LRRK1: variants seen among roughly 807,000 people sequenced by gnomAD.
The protein encoded by LRRK1 is leucine-rich repeat serine/threonine-protein kinase 1.
In LRRK1, 113 loss-of-function variants were observed where a neutral mutation model predicts 209.1. The observed-to-expected ratio is 0.54, with a 90% confidence interval of 0.46 to 0.63. LRRK1 has a LOEUF of 0.63. Among genes scored for constraint, LRRK1 ranks in the 30% least tolerant of loss-of-function variants. The pLI, the probability that LRRK1 is intolerant of heterozygous loss-of-function variation, is 0.00. For synonymous variants in LRRK1, 1,144 were observed against 1,099.7 expected (o/e 1.04, Z -0.80); for missense variants, 2,284 against 2,632.2 (o/e 0.87, Z 2.89).
At chr15:101,004,183 G>C (rs1158861424) in intron 6 of LRRK1, among the ~76,000 whole-genome samples, 3 of 152,142 alleles carry the variant, frequency 2.0e-5, no homozygotes, top group African/African-American at 7.2e-5. Flanking sequence ...CAGTAGGAAG[G>C]CAAAGGGCAT....
intron 4 of LRRK1, among the ~76,000 whole-genome samples, chr15:100,984,935 G>A (rs1450479370): frequency 6.6e-6 from 1 of 152,014 alleles, no homozygotes; most frequent in Non-Finnish European, 1.5e-5. Flanking sequence ...AGTCACCCAG[G>A]GCCCTGCACC....
intron 2 of LRRK1, among the ~76,000 whole-genome samples, chr15:100,941,896 C>T (rs1054771928): frequency 1.3e-5 from 2 of 152,146 alleles, no homozygotes; most frequent in African/African-American, 2.4e-5. Flanking sequence ...CTATGGCTCC[C>T]CACTCCTCCC....
At chr15:101,020,325 A>G (rs2033718107) in intron 12 of LRRK1, among the ~76,000 whole-genome samples, 1 of 142,464 alleles carries the variant, frequency 7.0e-6, no homozygotes, top group African/African-American at 2.6e-5. Flanking sequence ...GTGTGCACAC[A>G]TTTTCTGCTA....
intron 12 of LRRK1, among the ~76,000 whole-genome samples, chr15:101,017,412 C>T (rs893748015): frequency 6.6e-6 from 1 of 152,122 alleles, no homozygotes. Flanking sequence ...CAAAAATAGA[C>T]CTCAGTAAAC....
chr15:101,018,727 T>G (rs928822005), intron 12 of LRRK1, among the ~76,000 whole-genome samples: 1 of 152,194 alleles, frequency 6.6e-6, no homozygotes, highest in Non-Finnish European at 1.5e-5. Context: ...GCCGCGCCCC[T>G]GGGAGGTTCT....
chr15:100,972,342 G>GAA, intron 2 of LRRK1, among the ~76,000 whole-genome samples: 1 of 91,842 alleles, frequency 1.1e-5, no homozygotes, highest in South Asian at 3.6e-4. Flanking sequence ...ATATGAGAGA[G>GAA]AGAGAGAGAG....
intron 2 of LRRK1, among the ~76,000 whole-genome samples, chr15:100,938,421 T>G (rs1228947540): frequency 2.6e-5 from 4 of 152,288 alleles, no homozygotes; most frequent in South Asian, 2.1e-4. Flanking sequence ...ACATTTTTCA[T>G]TTCTTGGTGT....
chr15:100,944,511 A>G (rs1056623507), intron 2 of LRRK1, among the ~76,000 whole-genome samples: 3 of 152,206 alleles, frequency 2.0e-5, no homozygotes, highest in Admixed American at 6.5e-5. Flanking sequence ...TTCGGAGGCT[A>G]CACTGTAATC....
intron 2 of LRRK1, among the ~76,000 whole-genome samples, chr15:100,964,484 G>A (rs2036595703): frequency 6.6e-6 from 1 of 152,190 alleles, no homozygotes; most frequent in African/African-American, 2.4e-5. Flanking sequence ...CCGTTTCCCT[G>A]GTGCTTTGGC....
Position 101,027,919 on chromosome 15 carries a change from C to T in LRRK1, c.2686+122C>T. On this transcript the variant is annotated intron_variant, in intron 19 of 33. Coordinates refer to ENST00000388948, the MANE Select transcript of LRRK1 (RefSeq NM_024652.6). This position sits in a 1 kb window ranked among gnomAD's most constrained non-coding sequence, Gnocchi z 5.1. Reference sequence around the variant, plus strand: ...GACACCCAGCCTGCGTTTCTGCCTTCCATCCCCCTCCCCTTCCTTCTTCCC... The same window carrying T: ...GACACCCAGCCTGCGTTTCTGCCTTTCATCCCCCTCCCCTTCCTTCTTCCC... The T allele has an allele frequency of 2.4e-6, 2 of 838,494 alleles. No homozygotes were observed. The highest frequency in any genetic ancestry group is 3.7e-6 in the Non-Finnish European group (2 of 546,814). 51.9% of individuals were successfully genotyped at this position (838,494 alleles called of 1,614,324 possible). A position where few individuals can be genotyped will look rare whatever the true frequency, so the allele number is the denominator to read the frequency against.
chr15:100,994,072 A>T (rs1225548741), intron 6 of LRRK1, among the ~76,000 whole-genome samples: 1 of 152,180 alleles, frequency 6.6e-6, no homozygotes, highest in African/African-American at 2.4e-5. Flanking sequence ...TAACCCTTAC[A>T]TCTATGTAGT....
Position 101,065,504 on chromosome 15 carries a change from C to T in LRRK1, c.5067C>T (p.Asn1689=). 2 of 1,614,214 alleles carry T rather than the reference C, an allele frequency of 1.2e-6. No homozygotes were observed. Among genetic ancestry groups the T allele is most frequent in the Admixed American group, 3.3e-5 (2 of 60,034 alleles). ...TCGCGGATGAAGACGCACGGCAGAA[C>T]CCCTACCCAGTGAAGGCCATGGAGG... The part of the protein sequence containing the change: ...FSIADEDARQ[N]PYPVKAMEVV... Residue 1689 remains asparagine, a synonymous_variant, in exon 32 of 34, where the codon AAC becomes AAT. Transcript: ENST00000388948.
intron 20 of LRRK1, among the ~76,000 whole-genome samples, chr15:101,043,084 A>G (rs2034854782): frequency 6.6e-6 from 1 of 151,982 alleles, no homozygotes; most frequent in Non-Finnish European, 1.5e-5. Flanking sequence ...TGTATCCAGG[A>G]TCCAAATCCA....
chr15:101,053,173 G>C, intron 25 of LRRK1, 50 bp from the exon 26 acceptor site: 1 of 1,592,766 alleles, frequency 6.3e-7, no homozygotes, highest in Non-Finnish European at 8.5e-7. Flanking sequence ...GAGGCCTGAG[G>C]CTGCAGGCAC....
rs8041347 is a variant in LRRK1 at position 100,984,565 on chromosome 15, A to T, written c.433+866A>T. 8.2e-3 allele frequency among the ~76,000 whole-genome samples: 1,181 copies of T among 143,786 alleles called. 16 individuals are homozygous for T. Among genetic ancestry groups the T allele is most frequent in the African/African-American group, 0.029 (1,134 of 38,776 alleles). The allele number at this position is 143,786 out of a possible 152,430, so 94.3% of individuals were successfully genotyped here. On this transcript the variant is annotated intron_variant, in intron 4 of 33. Transcript: ENST00000388948. The stretch of plus-strand genomic sequence containing the variant: ...TTTGCCTTTTCCAGAACATCGCTCT[A>T]GTTGGAATCCCACAGTCTGTAGCCG...
chr15:100,943,772 G>A (rs1415283116), intron 2 of LRRK1, among the ~76,000 whole-genome samples: 1 of 151,442 alleles, frequency 6.6e-6, no homozygotes, highest in African/African-American at 2.4e-5. Context: ...CCGCCTCCTG[G>A]GTTCAAGCGA....
chr15:101,053,570 G>A (rs763778175), intron 26 of LRRK1, 150 bp downstream of exon 26: 2 of 695,950 alleles, frequency 2.9e-6, no homozygotes, highest in African/African-American at 1.8e-5. Context: ...TGGCTGCGAG[G>A]CCAGGCTCCC....
intron 6 of LRRK1, among the ~76,000 whole-genome samples, chr15:101,000,163 G>C (rs952615858): frequency 1.3e-5 from 2 of 152,194 alleles, no homozygotes; most frequent in Non-Finnish European, 2.9e-5. Flanking sequence ...CCTACTCCCT[G>C]TGGTGGTTAT....
intron 6 of LRRK1, among the ~76,000 whole-genome samples, chr15:101,002,279 T>C (rs1320482593): frequency 2.0e-5 from 3 of 152,224 alleles, no homozygotes; most frequent in Admixed American, 6.5e-5. Context: ...AGGAGATCTT[T>C]CTTATACATC....
Sources: gnomAD v4.1 joint callset for allele counts (sites outside exome capture counted in the v4.1 genomes callset) on GRCh38, gnomAD v4.1.1 for gene constraint, Gnocchi (gnomAD v3.1) non-coding constraint, MANE v1.5 for transcripts, NCBI Gene and HGNC (gene_info 2026-07-23, HGNC 2026-07-21) for gene names.